KIR2DL3: variants seen among roughly 807,000 people sequenced by gnomAD.
The protein encoded by KIR2DL3 is killer cell immunoglobulin like receptor, two Ig domains and long cytoplasmic tail 3, also known as killer cell immunoglobulin-like receptor 2DL3.
KIR2DL3 carries 39 observed loss-of-function variants against 33.8 expected under a neutral mutation model. That is an observed-to-expected ratio of 1.15 (90% CI 0.89 to 1.51). The LOEUF (loss-of-function observed/expected upper bound fraction) is 1.51. KIR2DL3 is among the 40% of genes most tolerant of loss of function. KIR2DL3 has a pLI of 0.00. For missense variants in KIR2DL3, 462 were observed against 426.2 expected (o/e 1.08, Z -0.74); for synonymous variants, 174 against 160.2 (o/e 1.09, Z -0.65).
chr19:54,739,522 A>G lies in KIR2DL3; in HGVS notation c.50A>G (p.Gln17Arg). The G allele has an allele frequency of 6.2e-7, 1 of 1,613,286 alleles. No individual in the cohort carries two copies. Among genetic ancestry groups the G allele is most frequent in the Non-Finnish European group, 8.5e-7 (1 of 1,179,828 alleles). ...TTCTTTCCAGGGTTCTTCTTGCTGC[A>G]GGGGGCCTGGCCACATGAGGGTGAG... ...SMVCVGFFLL[Q>R]GAWPHEGVHR... is the part of the protein sequence containing the mutation. The change falls in exon 2 of 8, where the codon CAG becomes CGG. Residue 17 changes from glutamine (Q) to arginine (R), a missense_variant. Transcript: ENST00000342376.
In KIR2DL3 at chr19:54,744,018, C is replaced by T. The variant is rs778777926; in HGVS notation, c.594C>T (p.Cys198=). The change falls in exon 4 of 8, where the codon TGC becomes TGT. Residue 198 remains cysteine, a synonymous_variant. Coordinates refer to ENST00000342376, the MANE Select transcript of KIR2DL3 (RefSeq NM_015868.3). The stretch of plus-strand genomic sequence containing the variant: ...CCACCCACGGAGGAACCTACAGATG[C>T]TTCGGCTCTTTCCGTGACTCTCCAT... ...GPATHGGTYR[C]FGSFRDSPYE... is the part of the protein sequence containing the mutation. The T allele has an allele frequency of 5.0e-6, 8 of 1,614,272 alleles. No individual in the cohort carries two copies. The East Asian group carries it at 1.6e-4, about 31-fold the overall frequency.
At chr19:54,739,111 T>C (rs1316703957) in intron 1 of KIR2DL3, among the ~76,000 whole-genome samples, 1 of 146,078 alleles carries the variant, frequency 6.8e-6, no homozygotes, top group Non-Finnish European at 1.5e-5. Context: ...AGGAAGGAGA[T>C]ATGGGCCTGG....
At position 54,739,540 on chromosome 19, in the gene KIR2DL3, A is replaced by G; in HGVS notation, c.68A>G (p.Glu23Gly). 6.2e-7 allele frequency: 1 copy of G among 1,613,958 alleles called. No homozygotes were observed. The highest frequency in any genetic ancestry group is 1.1e-5 in the South Asian group (1 of 91,086). The change falls in exon 2 of 8, where the codon GAG becomes GGG. Residue 23 changes from glutamate to glycine, a missense_variant and splice_region_variant. By Grantham distance (98) the Glu-to-Gly change is moderately conservative. Transcript: ENST00000342376. The part of the protein sequence containing the change: ...FFLLQGAWPH[E>G]GVHRKPSLLA... ...TTGCTGCAGGGGGCCTGGCCACATGAGGGTGAGTCCTTCTCCAAACCTTCG... is the reference window on the plus strand; with the variant it reads ...TTGCTGCAGGGGGCCTGGCCACATGGGGGTGAGTCCTTCTCCAAACCTTCG...
intron 4 of KIR2DL3, among the ~76,000 whole-genome samples, chr19:54,744,941 T>TAC (rs2072145222): frequency 3.8e-5 from 1 of 26,506 alleles, no homozygotes; most frequent in Non-Finnish European, 7.8e-5. Flanking sequence ...TATATATATA[T>TAC]ATATATATAT....
In KIR2DL3 at chr19:54,747,527, C is replaced by T. The variant is rs1197364169; in HGVS notation, c.715+142C>T. On this transcript the variant is annotated intron_variant, in intron 5 of 7. Transcript: ENST00000342376. ...CTCCGAACTCCAGATACTCCAACAG[C>T]GAAAGGGATCTGGGCCCAACCTAGG... is the stretch of plus-strand genomic sequence containing the variant. 91 of 1,131,956 alleles carry T rather than the reference C, an allele frequency of 8.0e-5. 1 individual carries two copies. The highest frequency in any genetic ancestry group is 1.1e-4 in the South Asian group (9 of 78,838). The allele number at this position is 1,131,956 out of a possible 1,614,324, so 70.1% of individuals were successfully genotyped here. A position where few individuals can be genotyped will look rare whatever the true frequency, so the allele number is the denominator to read the frequency against.
intron 3 of KIR2DL3, among the ~76,000 whole-genome samples, 161 bp from the exon 4 acceptor site, chr19:54,743,634 G>A (rs2071616834): frequency 6.6e-6 from 1 of 151,376 alleles, no homozygotes; most frequent in African/African-American, 2.4e-5. Flanking sequence ...GACAGAGAAG[G>A]TGGAAGAAGG....
In KIR2DL3 at chr19:54,743,963, C is replaced by T. The variant is rs1243375752; in HGVS notation, c.539C>T (p.Thr180Ile). Residue 180 changes from threonine to isoleucine, a missense_variant, in exon 4 of 8, where the codon ACA (threonine) becomes ATA (isoleucine). Physicochemically the swap from Thr to Ile is moderately conservative, Grantham distance 89. Transcript: ENST00000342376. Reference sequence around the variant, plus strand: ...TCTGCAGGGCCCAAGGTCAACGGAACATTCCAGGCCGACTTTCCTCTGGGC... The same window carrying T: ...TCTGCAGGGCCCAAGGTCAACGGAATATTCCAGGCCGACTTTCCTCTGGGC... Reference protein sequence around the residue: ...RFSAGPKVNGTFQADFPLGPA... With the variant: ...RFSAGPKVNGIFQADFPLGPA... The T allele has an allele frequency of 2.5e-6, 4 of 1,614,106 alleles. No individual in the cohort carries two copies. The highest frequency in any genetic ancestry group is 1.7e-5 in the Admixed American group (1 of 60,008).
intron 2 of KIR2DL3, among the ~76,000 whole-genome samples, chr19:54,740,043 A>G (rs2070725940): frequency 6.6e-6 from 1 of 152,150 alleles, no homozygotes; most frequent in African/African-American, 2.4e-5. Context: ...ACAGTATTAA[A>G]ATCTAGTAGG....
rs1424903164 is a variant in KIR2DL3 at position 54,746,508 on chromosome 19, C to T, written c.665-827C>T. 6.8e-3 allele frequency among the ~76,000 whole-genome samples: 1,002 copies of T among 148,432 alleles called. 12 individuals are homozygous for T. The highest frequency in any genetic ancestry group is 0.023 in the African/African-American group (945 of 40,390). On this transcript the variant is annotated intron_variant, in intron 4 of 7. Coordinates refer to ENST00000342376, the MANE Select transcript of KIR2DL3 (RefSeq NM_015868.3). ...AGCATTTCCCCAATATTTTCTTCTA[C>T]GTGTTTCATAGGTTCAGGCCTTAGA...
At chr19:54,741,675 T>C (rs2071144915) in intron 2 of KIR2DL3, among the ~76,000 whole-genome samples, 1 of 151,798 alleles carries the variant, frequency 6.6e-6, no homozygotes, top group African/African-American at 2.4e-5. Context: ...CTATCCTGGT[T>C]CCTCTTTCAC....
At chr19:54,750,428 C>T (rs1172421742) in intron 5 of KIR2DL3, among the ~76,000 whole-genome samples, 2 of 141,862 alleles carry the variant, frequency 1.4e-5, no homozygotes, top group Non-Finnish European at 3.1e-5. Context: ...CCCGAGATCA[C>T]AAAGAGTAGC....
chr19:54,745,724 C>G (rs1182245058), intron 4 of KIR2DL3, among the ~76,000 whole-genome samples: 1 of 151,762 alleles, frequency 6.6e-6, no homozygotes, highest in Non-Finnish European at 1.5e-5. Context: ...CTAATTTACA[C>G]TCCTACCAAC....
In KIR2DL3 at chr19:54,743,918, A is replaced by T. The variant is rs1355373989; in HGVS notation, c.494A>T (p.Glu165Val). 1 of 1,613,700 alleles carries T rather than the reference A, an allele frequency of 6.2e-7. No homozygotes were observed. Among genetic ancestry groups the T allele is most frequent in the African/African-American group, 1.3e-5 (1 of 74,756 alleles). Residue 165 changes from glutamate (E) to valine (V), a missense_variant, in exon 4 of 8, where the codon GAG (glutamate) becomes GTG (valine). Coordinates refer to ENST00000342376, the MANE Select transcript of KIR2DL3 (RefSeq NM_015868.3). ...ATGTACCATCTATCCAGGGAGGGGGAGGCCCATGAACGTAGGTTCTCTGCA... is the reference window on the plus strand; with the variant it reads ...ATGTACCATCTATCCAGGGAGGGGGTGGCCCATGAACGTAGGTTCTCTGCA... The part of the protein sequence containing the change: ...YDMYHLSREG[E>V]AHERRFSAGP...
At position 54,752,401 on chromosome 19, in the gene KIR2DL3, ATG is replaced by A; in HGVS notation, c.909_910del (p.Ala304ThrfsTer36). The A allele has an allele frequency of 6.8e-7, 1 of 1,470,322 alleles. No homozygotes were observed. The highest frequency in any genetic ancestry group is 9.3e-7 in the Non-Finnish European group (1 of 1,080,448). 91.1% of individuals were successfully genotyped at this position (1,470,322 alleles called of 1,614,324 possible). A position where few individuals can be genotyped will look rare whatever the true frequency, so the allele number is the denominator to read the frequency against. ...GAACAAGACCCTCAGGAGGTGACAT[ATG>A]CACAGTTGAATCACTGCGTTTTCAC... On this transcript the variant is annotated frameshift_variant, in exon 8 of 8. Coordinates refer to ENST00000342376, the MANE Select transcript of KIR2DL3 (RefSeq NM_015868.3). LOFTEE classifies it low-confidence loss of function (END_TRUNC).
chr19:54,751,199 A>G (rs200954651), intron 5 of KIR2DL3, among the ~76,000 whole-genome samples: 151 of 123,878 alleles, frequency 1.2e-3, no homozygotes, highest in Middle Eastern at 4.2e-3. Flanking sequence ...TGCAGAGACC[A>G]CAGAGATCAC....
At position 54,750,487 on chromosome 19, in the gene KIR2DL3, G is replaced by A. The variant is rs148053812; in HGVS notation, c.716-1162G>A. On this transcript the variant is annotated intron_variant, in intron 5 of 7. Coordinates refer to ENST00000342376, the MANE Select transcript of KIR2DL3 (RefSeq NM_015868.3). The stretch of plus-strand genomic sequence containing the variant: ...TATTTCCTGGCCATTTGACATAAGA[G>A]AATTCTACTTAGCTTTTTTTATCTT... Among the ~76,000 whole-genome samples, 901 of 138,626 alleles carry A rather than the reference G, an allele frequency of 6.5e-3. 93 individuals are homozygous for A. The highest frequency in any genetic ancestry group is 0.01 in the Non-Finnish European group (647 of 62,992). The allele number at this position is 138,626 out of a possible 152,430, so 90.9% of individuals were successfully genotyped here.
At chr19:54,744,870 T>TTATATATATATATATATATATATA (rs1185648350) in intron 4 of KIR2DL3, among the ~76,000 whole-genome samples, 20 of 78,408 alleles carry the variant, frequency 2.6e-4, no homozygotes, top group Non-Finnish European at 4.1e-4. Context: ...ATAAATACAT[T>TTATATATATATATATATATATATA]TATATATATA....
chr19:54,744,912 A>G, intron 4 of KIR2DL3, among the ~76,000 whole-genome samples: 1 of 39,418 alleles, frequency 2.5e-5, no homozygotes, highest in African/African-American at 8.2e-5. Flanking sequence ...ACACACACAC[A>G]TATATAAACA....
chr19:54,743,065 A>G (rs1483225345), intron 3 of KIR2DL3, among the ~76,000 whole-genome samples: 1 of 151,940 alleles, frequency 6.6e-6, no homozygotes, highest in East Asian at 1.9e-4. Flanking sequence ...AGGCACAAGG[A>G]CATAGAAACA....
Sources: gnomAD v4.1 joint callset for allele counts (sites outside exome capture counted in the v4.1 genomes callset) on GRCh38, gnomAD v4.1.1 for gene constraint, MANE v1.5 for transcripts, NCBI Gene and HGNC (gene_info 2026-07-23, HGNC 2026-07-21) for gene names.